ULK4: variants seen among roughly 807,000 people sequenced by gnomAD.
ULK4 encodes inactive serine/threonine-protein kinase ULK4.
In ULK4, 133 loss-of-function variants were observed where a neutral mutation model predicts 160.6. The observed-to-expected ratio is 0.83, with a 90% CI of 0.72 to 0.96. The LOEUF (loss-of-function observed/expected upper bound fraction) is 0.96. Among genes scored for constraint, ULK4 ranks in the 40% least tolerant of loss-of-function variants. ULK4 has a pLI of 0.00. For missense variants in ULK4, 1,580 were observed against 1,499.5 expected (o/e 1.05, Z -0.89); for synonymous variants, 534 against 539.8 (o/e 0.99, Z 0.15).
intron 18 of ULK4, among the ~76,000 whole-genome samples, chr3:41,827,984 G>T (rs148457663): frequency 6.6e-6 from 1 of 151,992 alleles, no homozygotes; most frequent in Non-Finnish European, 1.5e-5. Context: ...GGGATGCAAC[G>T]CTGGTTCAAC....
At chr3:41,929,166 G>A (rs1249458410) in intron 5 of ULK4, among the ~76,000 whole-genome samples, 1 of 152,136 alleles carries the variant, frequency 6.6e-6, no homozygotes, top group Non-Finnish European at 1.5e-5. Flanking sequence ...CTTCATCCCT[G>A]GGATGCAAGG....
At chr3:41,566,258 T>C in intron 31 of ULK4, 128 bp from the exon 32 acceptor site, 3 of 733,670 alleles carry the variant, frequency 4.1e-6, no homozygotes, top group Non-Finnish European at 6.6e-6. Flanking sequence ...TTTTTGCACT[T>C]TAATGAAGCA....
intron 35 of ULK4, among the ~76,000 whole-genome samples, chr3:41,370,573 C>T (rs2081344066): frequency 1.3e-5 from 2 of 152,178 alleles, no homozygotes; most frequent in Admixed American, 1.3e-4. Flanking sequence ...AACTTCCTAC[C>T]CTAGCCAAGG....
chr3:41,366,364 T>C (rs2081254201), intron 35 of ULK4, among the ~76,000 whole-genome samples: 1 of 152,176 alleles, frequency 6.6e-6, no homozygotes, highest in South Asian at 2.1e-4. Context: ...TTAATTTATA[T>C]ATTATGATAT....
chr3:41,919,966 T>C (rs955660627), intron 5 of ULK4, 148 bp from the exon 6 acceptor site: 6 of 504,456 alleles, frequency 1.2e-5, no homozygotes, highest in African/African-American at 1.1e-4. Context: ...CATTTTTAAA[T>C]GTTTTCTAAT....
chr3:41,392,130 T>C (rs982682666), intron 35 of ULK4, among the ~76,000 whole-genome samples: 2 of 152,146 alleles, frequency 1.3e-5, no homozygotes, highest in African/African-American at 4.8e-5. Flanking sequence ...AAAACTCCCA[T>C]TGATATCCAG....
intron 22 of ULK4, among the ~76,000 whole-genome samples, chr3:41,752,786 A>G (rs2038675314): frequency 2.0e-5 from 3 of 152,224 alleles, no homozygotes; most frequent in Non-Finnish European, 4.4e-5. Flanking sequence ...TGATAAGGAC[A>G]CTAACTTTGA....
At chr3:41,772,447 C>A (rs1246204825) in intron 21 of ULK4, among the ~76,000 whole-genome samples, 6 of 151,458 alleles carry the variant, frequency 4.0e-5, no homozygotes, top group Admixed American at 3.9e-4. Context: ...AACACCTCTA[C>A]GCAAATAAAC....
chr3:41,554,502 G>A (rs979950711), intron 32 of ULK4, among the ~76,000 whole-genome samples: 2 of 152,094 alleles, frequency 1.3e-5, no homozygotes, highest in Non-Finnish European at 1.5e-5. Context: ...ATCTAAAAAA[G>A]TTGATCTCAT....
intron 11 of ULK4, among the ~76,000 whole-genome samples, chr3:41,908,595 G>A (rs1410257304): frequency 1.3e-5 from 2 of 151,864 alleles, no homozygotes; most frequent in African/African-American, 4.8e-5. Flanking sequence ...ACAAGTGCCC[G>A]CCACTGCACC....
intron 32 of ULK4, among the ~76,000 whole-genome samples, chr3:41,487,376 T>C (rs1338696111): frequency 2.0e-5 from 3 of 152,126 alleles, no homozygotes; most frequent in Non-Finnish European, 1.5e-5. Flanking sequence ...TTTGAAAAGA[T>C]AAATGCATAA....
intron 35 of ULK4, among the ~76,000 whole-genome samples, chr3:41,317,532 A>G (rs1440559724): frequency 6.6e-6 from 1 of 152,206 alleles, no homozygotes; most frequent in East Asian, 1.9e-4. Context: ...TAAATGATCT[A>G]ACACAAGGAT....
At chr3:41,658,983 C>T (rs1286929541) in intron 30 of ULK4, among the ~76,000 whole-genome samples, 6 of 152,074 alleles carry the variant, frequency 3.9e-5, no homozygotes, top group African/African-American at 9.7e-5. Context: ...GATAGAAACC[C>T]TCTTTATTTT....
intron 17 of ULK4, among the ~76,000 whole-genome samples, chr3:41,878,815 A>G (rs1697406376): frequency 6.6e-6 from 1 of 152,098 alleles, no homozygotes; most frequent in South Asian, 2.1e-4. Flanking sequence ...CCTCTAATAG[A>G]GGCATATAAT....
At chr3:41,354,496 G>A (rs2080989773) in intron 35 of ULK4, among the ~76,000 whole-genome samples, 1 of 152,182 alleles carries the variant, frequency 6.6e-6, no homozygotes, top group South Asian at 2.1e-4. Context: ...GGACACATTT[G>A]CAGATAGTTC....
chr3:41,600,296 C>T (rs536447925), intron 31 of ULK4, among the ~76,000 whole-genome samples: 11 of 152,262 alleles, frequency 7.2e-5, no homozygotes, highest in African/African-American at 2.6e-4. Context: ...GACATAGTTC[C>T]TGCTGTATGA....
intron 17 of ULK4, among the ~76,000 whole-genome samples, chr3:41,855,983 A>G (rs1412117310): frequency 3.9e-5 from 6 of 152,196 alleles, no homozygotes; most frequent in Non-Finnish European, 7.3e-5. Context: ...AAATTGTTCT[A>G]TGAGACGTCA....
At chr3:41,618,116 G>C (rs2033066962) in intron 30 of ULK4, among the ~76,000 whole-genome samples, 1 of 152,054 alleles carries the variant, frequency 6.6e-6, no homozygotes, top group African/African-American at 2.4e-5. Context: ...AAGAAATATG[G>C]GACTATGTGA....
chr3:41,343,295 C>CTTTTT lies in ULK4; in HGVS notation c.3678+54779_3678+54783dup, dbSNP rs55691966. ...AAATGCCATTGTCTCAGCCCAAAAACTTTTTTTTTTTTTTTTTTTTTTTTT... is the reference window on the plus strand; with the variant it reads ...AAATGCCATTGTCTCAGCCCAAAAACTTTTTTTTTTTTTTTTTTTTTTTTTTTTTT... On this transcript the variant is annotated intron_variant, in intron 35 of 36. Transcript: ENST00000301831. Among the ~76,000 whole-genome samples the CTTTTT allele has an allele frequency of 2.1e-4, 18 of 85,382 alleles. 1 individual carries two copies. Among genetic ancestry groups the CTTTTT allele is most frequent in the African/African-American group, 3.1e-4 (7 of 22,440 alleles). 56.0% of individuals were successfully genotyped at this position (85,382 alleles called of 152,430 possible).
Sources: gnomAD v4.1 joint callset for allele counts (sites outside exome capture counted in the v4.1 genomes callset) on GRCh38, gnomAD v4.1.1 for gene constraint, MANE v1.5 for transcripts, NCBI Gene and HGNC (gene_info 2026-07-23, HGNC 2026-07-21) for gene names.